Variants in PXDC1 observed in about 807,000 individuals in gnomAD.
PXDC1 encodes the protein PX domain-containing protein 1.
PXDC1 carries 13 observed loss-of-function variants against 24.4 expected under a neutral mutation model. The observed-to-expected ratio is 0.53, with a 90% CI of 0.35 to 0.85. PXDC1 has a LOEUF of 0.85. Ranked by LOEUF, PXDC1 falls within the 40% of genes least tolerant of loss-of-function variation. The pLI is 0.01. For synonymous variants in PXDC1, 162 were observed against 124.9 expected (o/e 1.30, Z -1.98); for missense variants, 344 against 309.3 (o/e 1.11, Z -0.84).
At chr6:3,749,041 A>C (rs905645716) in intron 1 of PXDC1, among the ~76,000 whole-genome samples, 1 of 152,180 alleles carries the variant, frequency 6.6e-6, no homozygotes, top group Non-Finnish European at 1.5e-5. Flanking sequence ...CCTGGACTTA[A>C]AAGGATCAAA....
chr6:3,745,193 G>A (rs1347465790), intron 1 of PXDC1, among the ~76,000 whole-genome samples: 2 of 152,202 alleles, frequency 1.3e-5, no homozygotes, highest in East Asian at 1.9e-4. Context: ...TTCTCCCAGG[G>A]TATATGGGGG....
At chr6:3,731,250 G>T (rs765359432) in intron 3 of PXDC1, among the ~76,000 whole-genome samples, 7 of 152,210 alleles carry the variant, frequency 4.6e-5, no homozygotes, top group Non-Finnish European at 8.8e-5. Flanking sequence ...CCGTATCAAG[G>T]CTGAGGTCCG....
chr6:3,729,256 G>C (rs577018465), intron 3 of PXDC1, among the ~76,000 whole-genome samples: 3 of 152,142 alleles, frequency 2.0e-5, no homozygotes, highest in African/African-American at 7.2e-5. Flanking sequence ...TACATATTTG[G>C]TTCTCAGTTC....
At chr6:3,741,919 TA>T (rs34053981) in intron 1 of PXDC1, among the ~76,000 whole-genome samples, 1 of 151,652 alleles carries the variant, frequency 6.6e-6, no homozygotes, top group Non-Finnish European at 1.5e-5. Flanking sequence ...AAACACTTTT[TA>T]AAAAAAAACT....
At chr6:3,735,318 A>G (rs1353305530) in intron 3 of PXDC1, among the ~76,000 whole-genome samples, 1 of 152,248 alleles carries the variant, frequency 6.6e-6, no homozygotes, top group Non-Finnish European at 1.5e-5. Context: ...CAGCCAACTG[A>G]TTTTTGACAA....
intron 1 of PXDC1, chr6:3,738,868 T>C (rs1472935185): frequency 1.7e-5 from 22 of 1,303,088 alleles, no homozygotes; most frequent in Non-Finnish European, 2.0e-5. Context: ...AGTCTTCCCA[T>C]CACAGGTTCT....
intron 1 of PXDC1, among the ~76,000 whole-genome samples, chr6:3,749,409 C>T (rs566761582): frequency 6.7e-6 from 1 of 150,310 alleles, no homozygotes. Flanking sequence ...CTTTTCTCCA[C>T]GGTAATCGCT....
chr6:3,722,702 T>C lies in PXDC1; in HGVS notation c.*917A>G, dbSNP rs1759966462. On this transcript the variant is annotated 3_prime_UTR_variant, in exon 5 of 5. Transcript: ENST00000380283. Reference sequence around the variant, plus strand: ...AGAATTCTCAATAATTTACTATTATTTACATTAGCAAATGTCGGTCGTTAG... The same window carrying C: ...AGAATTCTCAATAATTTACTATTATCTACATTAGCAAATGTCGGTCGTTAG... 1 of 152,672 alleles carries C rather than the reference T, an allele frequency of 6.5e-6. No individual in the cohort carries two copies. The highest frequency in any genetic ancestry group is 2.1e-4 in the South Asian group (1 of 4,838). 9.5% of individuals were successfully genotyped at this position (152,672 alleles called of 1,614,324 possible). A position where few individuals can be genotyped will look rare whatever the true frequency, so the allele number is the denominator to read the frequency against.
chr6:3,736,566 C>A (rs1760321345), intron 3 of PXDC1, among the ~76,000 whole-genome samples: 1 of 152,210 alleles, frequency 6.6e-6, no homozygotes, highest in African/African-American at 2.4e-5. Context: ...ACACCTGCAA[C>A]CCAGATCTTA....
chr6:3,739,182 G>A, intron 1 of PXDC1: 1 of 1,076,464 alleles, frequency 9.3e-7, no homozygotes, highest in South Asian at 2.5e-5. Flanking sequence ...GATAAAAAAA[G>A]ATTTCTTAAA....
intron 1 of PXDC1, among the ~76,000 whole-genome samples, chr6:3,746,736 C>G (rs992198417): frequency 6.6e-6 from 1 of 152,166 alleles, no homozygotes; most frequent in South Asian, 2.1e-4. Context: ...AAGTAAACTC[C>G]GTGGCTTTGC....
At chr6:3,734,840 T>G (rs1359764299) in intron 3 of PXDC1, among the ~76,000 whole-genome samples, 3 of 152,094 alleles carry the variant, frequency 2.0e-5, no homozygotes, top group African/African-American at 7.2e-5. Context: ...ATCCCAGCAC[T>G]TTGGGAGGCT....
intron 1 of PXDC1, among the ~76,000 whole-genome samples, chr6:3,750,087 C>T (rs1760667293): frequency 6.6e-6 from 1 of 152,248 alleles, no homozygotes; most frequent in Non-Finnish European, 1.5e-5. Context: ...CTCAGGGCCC[C>T]AACTCGCTGG....
At chr6:3,750,646 G>A (rs902823510) in intron 1 of PXDC1, among the ~76,000 whole-genome samples, 1 of 152,210 alleles carries the variant, frequency 6.6e-6, no homozygotes, top group Admixed American at 6.5e-5. Flanking sequence ...GGGAGGAGGC[G>A]GCGCAGCTGA....
At chr6:3,730,249 A>G (rs901186990) in intron 3 of PXDC1, among the ~76,000 whole-genome samples, 1 of 152,170 alleles carries the variant, frequency 6.6e-6, no homozygotes, top group African/African-American at 2.4e-5. Context: ...AGAACCTCGA[A>G]AAACCTAGGG....
intron 1 of PXDC1, among the ~76,000 whole-genome samples, chr6:3,740,339 T>C (rs1581248718): frequency 2.6e-5 from 4 of 152,366 alleles, no homozygotes; most frequent in Middle Eastern, 3.4e-3. Context: ...CCTTTTAGTA[T>C]GGCCAAACTT....
At chr6:3,738,592 C>T (rs113644426) in intron 1 of PXDC1, among the ~76,000 whole-genome samples, 4,936 of 152,260 alleles carry the variant, frequency 0.032, 133 homozygotes, top group Non-Finnish European at 0.043. Context: ...CTGCTCAGAT[C>T]GCAGACCCCT....
At chr6:3,727,528 G>T in intron 4 of PXDC1, 23 bp downstream of exon 4, 1 of 1,499,030 alleles carries the variant, frequency 6.7e-7, no homozygotes, top group Non-Finnish European at 9.3e-7. Context: ...TCTATGAAAC[G>T]ATATTCAAAT....
At chr6:3,727,335 C>T (rs976612687) in intron 4 of PXDC1, among the ~76,000 whole-genome samples, 6 of 152,222 alleles carry the variant, frequency 3.9e-5, no homozygotes, top group African/African-American at 1.4e-4. Context: ...CTAAATGCCC[C>T]TCAGAGCCAG....
Sources: allele counts gnomAD v4.1 joint callset (sites outside exome capture counted in the v4.1 genomes callset), GRCh38; gene constraint gnomAD v4.1.1; transcripts MANE v1.5; gene names NCBI Gene and HGNC (gene_info 2026-07-23, HGNC 2026-07-21).